Variants in ABHD17C observed in about 807,000 individuals in gnomAD.
ABHD17C encodes abhydrolase domain containing 17C, depalmitoylase.
Under a neutral mutation model 27.9 loss-of-function variants are expected in ABHD17C, and 11 were observed. That is an observed-to-expected ratio of 0.39 (90% CI 0.25 to 0.65). The LOEUF is 0.65. ABHD17C is among the 30% of genes least tolerant of loss of function. The pLI is 0.45. For synonymous variants in ABHD17C, 233 were observed against 209.1 expected (o/e 1.11, Z -0.98); for missense variants, 280 against 470.2 (o/e 0.60, Z 3.74).
intron 1 of ABHD17C, among the ~76,000 whole-genome samples, chr15:80,716,930 C>T (rs1216635902): frequency 6.6e-6 from 1 of 152,092 alleles, no homozygotes; most frequent in South Asian, 2.1e-4. Context: ...TATGGTCTGA[C>T]GAGGGGCAGT....
chr15:80,725,292 C>G (rs1012215785), intron 1 of ABHD17C, among the ~76,000 whole-genome samples: 10 of 152,222 alleles, frequency 6.6e-5, no homozygotes, highest in Admixed American at 3.3e-4. Context: ...TGGAGATGAT[C>G]TGAAGTGTCT....
chr15:80,710,452 GTGTTA>G (rs2141495183), intron 1 of ABHD17C, among the ~76,000 whole-genome samples: 1 of 152,322 alleles, frequency 6.6e-6, no homozygotes, highest in East Asian at 1.9e-4. Flanking sequence ...GGATCACTCT[GTGTTA>G]ATGACAAATT....
At chr15:80,752,422 T>C (rs958588163) in intron 2 of ABHD17C, among the ~76,000 whole-genome samples, 1 of 152,166 alleles carries the variant, frequency 6.6e-6, no homozygotes, top group Admixed American at 6.5e-5. Context: ...TGTAGATCTT[T>C]GGAATGTGTA....
intron 1 of ABHD17C, 41 bp downstream of exon 1, chr15:80,696,060 G>T (rs1567028780): frequency 6.6e-7 from 1 of 1,507,686 alleles, no homozygotes; most frequent in Admixed American, 2.0e-5. Context: ...TCCAGCTGTG[G>T]GGAGGCGGGG....
At chr15:80,728,984 C>G (rs933300168) in intron 1 of ABHD17C, among the ~76,000 whole-genome samples, 1 of 152,180 alleles carries the variant, frequency 6.6e-6, no homozygotes, top group Non-Finnish European at 1.5e-5. Context: ...CCACATGAAA[C>G]GAATTGGCAA....
Position 80,754,432 on chromosome 15 carries a change from C to CT in ABHD17C, c.*65dup. The CT allele has an allele frequency of 7.1e-7, 1 of 1,406,064 alleles. No homozygotes were observed. Among genetic ancestry groups the CT allele is most frequent in the Non-Finnish European group, 9.8e-7 (1 of 1,025,174 alleles). The allele number at this position is 1,406,064 out of a possible 1,614,324, so 87.1% of individuals were successfully genotyped here. ...AGAAGAGTCCTCTGTTTTGCACATG[C>CT]TTTAACTGGGTAGCTGTAAAGGCTT... On this transcript the variant is annotated 3_prime_UTR_variant, in exon 3 of 3. Transcript: ENST00000258884.
intron 1 of ABHD17C, among the ~76,000 whole-genome samples, chr15:80,715,043 A>C (rs1894784681): frequency 6.6e-6 from 1 of 152,170 alleles, no homozygotes; most frequent in African/African-American, 2.4e-5. Flanking sequence ...GGCCTCCCAA[A>C]GTGCTGGGAT....
chr15:80,751,384 T>C (rs1229895868), intron 2 of ABHD17C, among the ~76,000 whole-genome samples: 3 of 152,062 alleles, frequency 2.0e-5, no homozygotes, highest in Non-Finnish European at 4.4e-5. Context: ...AAGATGTTTG[T>C]TCAATTACTG....
chr15:80,734,483 A>C (rs1207003018), intron 1 of ABHD17C, among the ~76,000 whole-genome samples: 1 of 152,240 alleles, frequency 6.6e-6, no homozygotes. Flanking sequence ...AATTATACTC[A>C]GATAAGTTCA....
At chr15:80,703,677 G>A (rs1426411577) in intron 1 of ABHD17C, among the ~76,000 whole-genome samples, 1 of 152,084 alleles carries the variant, frequency 6.6e-6, no homozygotes, top group African/African-American at 2.4e-5. Context: ...CCAGAGTTGA[G>A]ACACACTAGC....
intron 1 of ABHD17C, among the ~76,000 whole-genome samples, chr15:80,724,486 T>C (rs1433011658): frequency 6.6e-6 from 1 of 152,202 alleles, no homozygotes; most frequent in East Asian, 1.9e-4. Flanking sequence ...TATTATACAG[T>C]GCAGTGATTT....
At chr15:80,698,343 C>T (rs958312838) in intron 1 of ABHD17C, among the ~76,000 whole-genome samples, 2 of 151,954 alleles carry the variant, frequency 1.3e-5, no homozygotes, top group East Asian at 1.9e-4. Context: ...GGATTACAGG[C>T]GTGAGCCACC....
chr15:80,698,204 A>G (rs1339735158), intron 1 of ABHD17C, among the ~76,000 whole-genome samples: 1 of 151,430 alleles, frequency 6.6e-6, no homozygotes, highest in African/African-American at 2.4e-5. Context: ...AGCTGGGACT[A>G]CAGGCGCCCG....
rs535087846 is a variant in ABHD17C at position 80,720,890 on chromosome 15, C to T, written c.590+24871C>T. 9.9e-5 allele frequency among the ~76,000 whole-genome samples: 15 copies of T among 150,922 alleles called. No homozygotes were observed. In the South Asian group the frequency reaches 3.1e-3, roughly 32 times the overall value. On this transcript the variant is annotated intron_variant, in intron 1 of 2. Transcript: ENST00000258884. ...GAGCCGAGATCACGCCACTGCACTC[C>T]AGCCTGGGCAACAGAGTGAGACTCT...
chr15:80,713,547 C>T (rs149620474), intron 1 of ABHD17C, among the ~76,000 whole-genome samples: 3 of 151,686 alleles, frequency 2.0e-5, no homozygotes, highest in East Asian at 1.9e-4. Flanking sequence ...CAGTGGCTCA[C>T]GCCTGTAATC....
intron 1 of ABHD17C, among the ~76,000 whole-genome samples, chr15:80,743,264 C>G (rs1035886404): frequency 6.6e-6 from 1 of 152,072 alleles, no homozygotes; most frequent in African/African-American, 2.4e-5. Context: ...GGCAAATGGG[C>G]AGGGGAAGGA....
intron 1 of ABHD17C, among the ~76,000 whole-genome samples, chr15:80,699,799 G>C (rs1894546397): frequency 6.6e-6 from 1 of 152,220 alleles, no homozygotes; most frequent in African/African-American, 2.4e-5. Flanking sequence ...TTAAACTCTT[G>C]AAAAGTTACT....
At chr15:80,724,651 G>C (rs1425937354) in intron 1 of ABHD17C, among the ~76,000 whole-genome samples, 1 of 152,190 alleles carries the variant, frequency 6.6e-6, no homozygotes, top group East Asian at 1.9e-4. Context: ...GCTGCTGCCT[G>C]GTCTCTGGTG....
chr15:80,700,727 C>G (rs1486310553), intron 1 of ABHD17C, among the ~76,000 whole-genome samples: 4 of 151,906 alleles, frequency 2.6e-5, no homozygotes, highest in Non-Finnish European at 5.9e-5. Flanking sequence ...GTTGGGACCC[C>G]CATCTCTACA....
Sources: gnomAD v4.1 joint callset for allele counts (sites outside exome capture counted in the v4.1 genomes callset) on GRCh38, gnomAD v4.1.1 for gene constraint, MANE v1.5 for transcripts, NCBI Gene and HGNC (gene_info 2026-07-23, HGNC 2026-07-21) for gene names.